The following ATP10B variants were observed in gnomAD, a reference collection of about 807,000 sequenced individuals.
ATP10B encodes the protein ATPase phospholipid transporting 10B (putative), also known as phospholipid-transporting ATPase VB.
A neutral mutation model predicts 141.2 loss-of-function variants in ATP10B; 122 were observed. The ratio of observed to expected loss-of-function variants is 0.86; its 90% CI spans 0.75 to 1.00. ATP10B has a LOEUF of 1.00. Ranked by LOEUF, ATP10B falls within the 50% of genes least tolerant of loss-of-function variation. The pLI is 0.00. For missense variants in ATP10B, 1,876 were observed against 1,825.3 expected, an observed-to-expected ratio of 1.03 and a Z score of -0.51; for synonymous variants, 685 against 692.0, an observed-to-expected ratio of 0.99 and a Z score of 0.16.
chr5:160,630,929 C>A (rs1031517549), intron 13 of ATP10B, among the ~76,000 whole-genome samples: 2 of 152,196 alleles, frequency 1.3e-5, no homozygotes, highest in Non-Finnish European at 2.9e-5. Context: ...TCAGAAAACA[C>A]AGTCCTTGGT....
intron 9 of ATP10B, among the ~76,000 whole-genome samples, chr5:160,642,614 T>C (rs958724161): frequency 1.7e-4 from 26 of 152,310 alleles, no homozygotes; most frequent in Admixed American, 1.3e-3. Context: ...AAGAATAATA[T>C]GGGCCAAAAT....
intron 2 of ATP10B, among the ~76,000 whole-genome samples, chr5:160,774,915 G>A (rs1770179331): frequency 6.6e-6 from 1 of 152,146 alleles, no homozygotes; most frequent in African/African-American, 2.4e-5. Flanking sequence ...TGGAGGGAGT[G>A]TAACTATGAG....
intron 2 of ATP10B, among the ~76,000 whole-genome samples, chr5:160,732,587 G>A (rs1049309673): frequency 2.0e-5 from 3 of 152,112 alleles, no homozygotes; most frequent in Admixed American, 6.6e-5. Flanking sequence ...TCTTGGCAAC[G>A]TTGTCAAGTC....
the ATP10B span, among the ~76,000 whole-genome samples, chr5:160,916,436 G>A: frequency 4.6e-5 from 7 of 151,718 alleles, no homozygotes; most frequent in Admixed American, 4.6e-4. Flanking sequence ...AGACCCCATA[G>A]CTTTAACAGA....
intron 3 of ATP10B, among the ~76,000 whole-genome samples, chr5:160,704,994 C>A (rs987836920): frequency 3.6e-5 from 5 of 139,560 alleles, no homozygotes; most frequent in Admixed American, 1.5e-4. Flanking sequence ...TCTCAGCTCA[C>A]TGAAAATTCC....
At chr5:160,798,533 G>A (rs992102664) in intron 1 of ATP10B, among the ~76,000 whole-genome samples, 8 of 152,014 alleles carry the variant, frequency 5.3e-5, no homozygotes, top group African/African-American at 1.9e-4. Context: ...GAGGGTTGCC[G>A]GCCATCACCA....
At chr5:160,702,200 A>T (rs1442452077) in intron 3 of ATP10B, among the ~76,000 whole-genome samples, 1 of 152,246 alleles carries the variant, frequency 6.6e-6, no homozygotes, top group East Asian at 1.9e-4. Context: ...TTATTTAAAA[A>T]TATTTCAAAG....
chr5:160,884,656 C>A, the ATP10B span, among the ~76,000 whole-genome samples: 1 of 151,896 alleles, frequency 6.6e-6, no homozygotes, highest in Non-Finnish European at 1.5e-5. Flanking sequence ...TTTATCATTA[C>A]TTTTTCATTA....
At chr5:160,798,238 G>A (rs973731354) in intron 1 of ATP10B, among the ~76,000 whole-genome samples, 2 of 152,126 alleles carry the variant, frequency 1.3e-5, no homozygotes. Context: ...GAGCTCAGCT[G>A]GTGAAGTTGG....
chr5:160,817,796 C>T (rs996106551), intron 1 of ATP10B, among the ~76,000 whole-genome samples: 17 of 152,170 alleles, frequency 1.1e-4, no homozygotes, highest in Admixed American at 5.9e-4. Flanking sequence ...GGTACCAAAA[C>T]AGAGATATAG....
At chr5:160,825,246 C>T (rs566928274) in intron 1 of ATP10B, among the ~76,000 whole-genome samples, 278 of 152,294 alleles carry the variant, frequency 1.8e-3, no homozygotes, top group African/African-American at 6.4e-3. Flanking sequence ...TATGGTTTGG[C>T]TGTGTGTCCA....
Position 160,569,558 on chromosome 5 carries a change from C to G in ATP10B, c.3876G>C (p.Gln1292His), listed in dbSNP as rs1325433843. The G allele has an allele frequency of 3.7e-6, 6 of 1,613,950 alleles. No homozygotes were observed. Among genetic ancestry groups the G allele is most frequent in the Non-Finnish European group, 4.2e-6 (5 of 1,179,906 alleles). The change falls in exon 25 of 26, where the codon CAG becomes CAC. Residue 1292 changes from glutamine to histidine, a missense_variant. Coordinates refer to ENST00000327245, the MANE Select transcript of ATP10B (RefSeq NM_025153.3). The stretch of plus-strand genomic sequence containing the variant: ...CGAGGTAGAAAGTGGGGTTTGAGAG[C>G]TGGCCTTCCATCACCCAATAGGGAT... ...PTNPYWVMEG[Q>H]LSNPTFYLVC...
chr5:160,878,798 C>T, the ATP10B span, among the ~76,000 whole-genome samples: 1 of 151,628 alleles, frequency 6.6e-6, no homozygotes, highest in Non-Finnish European at 1.5e-5. Flanking sequence ...CTCATCATCA[C>T]TGGCCATCAG....
chr5:160,843,552 T>C (rs79776596), intron 1 of ATP10B, among the ~76,000 whole-genome samples: 5,897 of 151,802 alleles, frequency 0.039, 129 homozygotes, highest in South Asian at 0.089. Flanking sequence ...AAAGAGCACT[T>C]AAGCTTACCA....
At chr5:160,871,705 C>CT in the ATP10B span, among the ~76,000 whole-genome samples, 5 of 152,064 alleles carry the variant, frequency 3.3e-5, no homozygotes, top group Non-Finnish European at 5.9e-5. Flanking sequence ...TAATTCATTC[C>CT]TTTTTATGAC....
At chr5:160,905,727 G>GT in the ATP10B span, among the ~76,000 whole-genome samples, 2 of 98,052 alleles carry the variant, frequency 2.0e-5, no homozygotes, top group African/African-American at 8.8e-5. Context: ...ATTATAATGT[G>GT]TTAAAAAAAA....
intron 1 of ATP10B, among the ~76,000 whole-genome samples, chr5:160,820,697 C>G (rs1323983377): frequency 1.3e-5 from 2 of 151,984 alleles, no homozygotes; most frequent in Non-Finnish European, 2.9e-5. Context: ...TTCATCATGA[C>G]CAAGTGAGAT....
intron 19 of ATP10B, among the ~76,000 whole-genome samples, chr5:160,604,473 C>T (rs1465874570): frequency 6.6e-6 from 1 of 152,078 alleles, no homozygotes; most frequent in African/African-American, 2.4e-5. Flanking sequence ...TTTCAGATTC[C>T]AGGGCCAACA....
chr5:160,748,037 G>A (rs999666974), intron 2 of ATP10B, among the ~76,000 whole-genome samples: 44 of 151,704 alleles, frequency 2.9e-4, no homozygotes, highest in Middle Eastern at 3.4e-3. Flanking sequence ...TTGTGGCGGG[G>A]AGCGCAGAGG....
Sources: allele counts gnomAD v4.1 joint callset (sites outside exome capture counted in the v4.1 genomes callset), GRCh38; gene constraint gnomAD v4.1.1; transcripts MANE v1.5; gene names NCBI Gene and HGNC (gene_info 2026-07-23, HGNC 2026-07-21).